The following CALN1 variants were observed in gnomAD, a reference collection of about 807,000 sequenced individuals.
The protein encoded by CALN1 is calcium-binding protein 8.
Under a neutral mutation model 30.6 loss-of-function variants are expected in CALN1, and 17 were observed. The ratio of observed to expected loss-of-function variants is 0.56; its 90% CI spans 0.38 to 0.83. The LOEUF (loss-of-function observed/expected upper bound fraction) is 0.83, where lower values mean the gene tolerates loss of function less well. Ranked by LOEUF, CALN1 falls within the 40% of genes least tolerant of loss-of-function variation. The pLI, the probability that CALN1 is intolerant of heterozygous loss-of-function variation, is 0.00. For missense variants in CALN1, 291 were observed against 354.9 expected (o/e 0.82, Z 1.45); for synonymous variants, 156 against 131.4 (o/e 1.19, Z -1.28).
chr7:72,056,305 G>A (rs966224214), intron 4 of CALN1, among the ~76,000 whole-genome samples: 6 of 152,054 alleles, frequency 3.9e-5, no homozygotes, highest in Non-Finnish European at 7.4e-5. Flanking sequence ...GCTATATCTA[G>A]TAATAAAATC....
At chr7:71,843,308 C>A (rs1328224121) in intron 5 of CALN1, among the ~76,000 whole-genome samples, 1 of 152,112 alleles carries the variant, frequency 6.6e-6, no homozygotes, top group Non-Finnish European at 1.5e-5. Flanking sequence ...CATCAATGCA[C>A]TCATTGCAAC....
At chr7:72,204,416 AT>A (rs1479887188) in intron 3 of CALN1, among the ~76,000 whole-genome samples, 2 of 152,152 alleles carry the variant, frequency 1.3e-5, no homozygotes, top group African/African-American at 2.4e-5. Flanking sequence ...ATTATTTTCA[AT>A]GACCATATTG....
chr7:72,023,830 A>G, intron 4 of CALN1, 61 bp from the exon 5 acceptor site: 1 of 1,225,704 alleles, frequency 8.2e-7, no homozygotes, highest in East Asian at 2.3e-5. Context: ...ACCGTACCTG[A>G]TGCAATAAAC....
chr7:71,906,657 G>A (rs1036521448), intron 5 of CALN1, among the ~76,000 whole-genome samples: 11 of 152,134 alleles, frequency 7.2e-5, no homozygotes, highest in African/African-American at 2.4e-4. Flanking sequence ...ACACTGTAGC[G>A]GGGCAAATTG....
chr7:72,426,118 A>G (rs2129563847), intron 1 of CALN1, among the ~76,000 whole-genome samples: 1 of 152,340 alleles, frequency 6.6e-6, no homozygotes, highest in South Asian at 2.1e-4. Context: ...TGAAGAATGC[A>G]TTGTCCAGAC....
chr7:72,345,538 A>G (rs1322070687), intron 2 of CALN1, among the ~76,000 whole-genome samples: 2 of 139,952 alleles, frequency 1.4e-5, no homozygotes, highest in Non-Finnish European at 3.1e-5. Context: ...GAAGGGAGGG[A>G]AGGAGGAAGG....
At chr7:72,071,698 T>C (rs1207260284) in intron 4 of CALN1, among the ~76,000 whole-genome samples, 1 of 152,214 alleles carries the variant, frequency 6.6e-6, no homozygotes, top group Non-Finnish European at 1.5e-5. Flanking sequence ...TTCAAATGTT[T>C]AGTTTTCTAA....
chr7:71,836,742 T>C (rs544707166), intron 5 of CALN1, among the ~76,000 whole-genome samples: 158 of 151,118 alleles, frequency 1.0e-3, no homozygotes, highest in Middle Eastern at 0.01. Context: ...CTCAGCCTCC[T>C]GATTAGCTGG....
At chr7:71,972,404 T>A (rs1383114693) in intron 5 of CALN1, among the ~76,000 whole-genome samples, 1 of 152,054 alleles carries the variant, frequency 6.6e-6, no homozygotes, top group South Asian at 2.1e-4. Flanking sequence ...CCTTTGGAGG[T>A]CTGATCCATT....
intron 5 of CALN1, among the ~76,000 whole-genome samples, chr7:71,948,560 G>A (rs543936099): frequency 2.6e-5 from 4 of 151,934 alleles, no homozygotes; most frequent in South Asian, 4.2e-4. Context: ...TGAGATCCCC[G>A]TCTCTACTAA....
At chr7:72,459,686 G>A in the CALN1 span, among the ~76,000 whole-genome samples, 1 of 150,660 alleles carries the variant, frequency 6.6e-6, no homozygotes, top group Non-Finnish European at 1.5e-5. Flanking sequence ...TGCCTCAGAT[G>A]CAACTAGCCC....
intron 2 of CALN1, among the ~76,000 whole-genome samples, chr7:72,383,400 T>C (rs926554178): frequency 1.3e-5 from 2 of 152,172 alleles, no homozygotes; most frequent in African/African-American, 2.4e-5. Flanking sequence ...AGCGTTCCCT[T>C]TTCTCTGCAG....
Position 72,023,786 on chromosome 7 carries a change from T to C in CALN1, c.389-17A>G, listed in dbSNP as rs777477759. The C allele has an allele frequency of 1.3e-5, 20 of 1,596,548 alleles. No homozygotes were observed. The highest frequency in any genetic ancestry group is 1.7e-5 in the Non-Finnish European group (20 of 1,164,704). On this transcript the variant is annotated splice_polypyrimidine_tract_variant and intron_variant, in intron 4 of 6. Coordinates refer to ENST00000395275, the MANE Select transcript of CALN1 (RefSeq NM_031468.4). ...GGCCATCCCCTGCAAGGAGAAGATG[T>C]AAATATGAGTTGCAAACAAGCTGAA...
intron 4 of CALN1, among the ~76,000 whole-genome samples, chr7:72,027,805 C>G (rs576169513): frequency 6.6e-6 from 1 of 151,546 alleles, no homozygotes; most frequent in African/African-American, 2.4e-5. Context: ...CGCCTGTAAT[C>G]CCAGCACTTT....
chr7:72,363,121 C>T (rs890416447), intron 2 of CALN1, among the ~76,000 whole-genome samples: 1 of 152,214 alleles, frequency 6.6e-6, no homozygotes, highest in African/African-American at 2.4e-5. Context: ...CAGATTATTT[C>T]ATCACCCAGG....
At chr7:72,404,799 G>GTGGA (rs775762595) in intron 1 of CALN1, among the ~76,000 whole-genome samples, 22 of 152,344 alleles carry the variant, frequency 1.4e-4, no homozygotes, top group Non-Finnish European at 1.9e-4. Context: ...AGAGCTGTAT[G>GTGGA]TGGATGGTGG....
At chr7:72,465,822 GA>G in the CALN1 span, among the ~76,000 whole-genome samples, 1 of 152,190 alleles carries the variant, frequency 6.6e-6, no homozygotes, top group African/African-American at 2.4e-5. Context: ...CTGCCACTCA[GA>G]GCGCGGAATC....
intron 2 of CALN1, among the ~76,000 whole-genome samples, chr7:72,294,540 A>G (rs189787475): frequency 6.1e-4 from 93 of 152,170 alleles, no homozygotes; most frequent in Middle Eastern, 6.8e-3. Context: ...ACTTGAGGCC[A>G]GGAGTTTGAG....
In CALN1 at chr7:72,034,877, G is replaced by A. The variant is rs191339289; in HGVS notation, c.389-11108C>T. On this transcript the variant is annotated intron_variant, in intron 4 of 6. Coordinates refer to ENST00000395275, the MANE Select transcript of CALN1 (RefSeq NM_031468.4). ...CTTCAAGATAGCTTCTCAAGTTGAA[G>A]AAGCAAGGTACAGAACTGTATTTTA... Among the ~76,000 whole-genome samples, 24 of 147,384 alleles carry A rather than the reference G, an allele frequency of 1.6e-4. 1 individual carries two copies. In the East Asian group the frequency reaches 3.7e-3, roughly 23 times the overall value.
Sources: gnomAD v4.1 joint callset for allele counts (sites outside exome capture counted in the v4.1 genomes callset) on GRCh38, gnomAD v4.1.1 for gene constraint, MANE v1.5 for transcripts, NCBI Gene and HGNC (gene_info 2026-07-23, HGNC 2026-07-21) for gene names.